The following SERINC5 variants were observed in gnomAD, a reference collection of about 807,000 sequenced individuals.
The protein encoded by SERINC5 is serine incorporator 5.
A neutral mutation model predicts 63.1 loss-of-function variants in SERINC5; 41 were observed. The observed-to-expected ratio is 0.65, with a 90% CI of 0.51 to 0.84. The LOEUF is 0.84. Among genes scored for constraint, SERINC5 ranks in the 40% least tolerant of loss-of-function variants. The pLI is 0.00. For synonymous variants in SERINC5, 222 were observed against 215.2 expected (o/e 1.03, Z -0.28); for missense variants, 523 against 573.0 (o/e 0.91, Z 0.89).
At chr5:80,125,753 G>C (rs1036765020) in intron 11 of SERINC5, among the ~76,000 whole-genome samples, 1 of 152,202 alleles carries the variant, frequency 6.6e-6, no homozygotes, top group Non-Finnish European at 1.5e-5. Flanking sequence ...ACCTACGAGA[G>C]CAGCTTTGGA....
chr5:80,234,459 A>G (rs1751596739), intron 1 of SERINC5, among the ~76,000 whole-genome samples: 2 of 152,174 alleles, frequency 1.3e-5, no homozygotes, highest in Admixed American at 1.3e-4. Flanking sequence ...TCTAATGCAA[A>G]AATGTGTTAA....
chr5:80,135,728 C>G (rs1437472030), downstream of SERINC5, among the ~76,000 whole-genome samples: 2 of 151,502 alleles, frequency 1.3e-5, no homozygotes, highest in African/African-American at 4.9e-5. Context: ...GTGGCGAGTT[C>G]AAGTGTGAAT....
intron 1 of SERINC5, among the ~76,000 whole-genome samples, chr5:80,224,481 GA>G (rs1042342050): frequency 6.1e-5 from 9 of 148,746 alleles, no homozygotes; most frequent in African/African-American, 1.2e-4. Flanking sequence ...TGTCTCAAAA[GA>G]AAAAAAAACA....
chr5:80,164,633 C>T (rs1747149879), intron 7 of SERINC5, among the ~76,000 whole-genome samples: 1 of 152,078 alleles, frequency 6.6e-6, no homozygotes, highest in Non-Finnish European at 1.5e-5. Context: ...ATCTGCCTGC[C>T]TCAACCTCCC....
At chr5:80,177,424 A>G in intron 3 of SERINC5, 27 bp from the exon 4 acceptor site, 1 of 1,543,986 alleles carries the variant, frequency 6.5e-7, no homozygotes, top group South Asian at 1.1e-5. Flanking sequence ...AAAAAAGAGG[A>G]AATGTATTTA....
At chr5:80,213,161 G>A (rs1466444736) in intron 1 of SERINC5, among the ~76,000 whole-genome samples, 5 of 151,496 alleles carry the variant, frequency 3.3e-5, no homozygotes, top group Admixed American at 2.0e-4. Flanking sequence ...CAGGAGAATC[G>A]CTTGAACCCA....
chr5:80,177,450 G>T, intron 3 of SERINC5, 53 bp from the exon 4 acceptor site: 3 of 1,404,040 alleles, frequency 2.1e-6, no homozygotes, highest in South Asian at 1.2e-5. Context: ...CATTCAAGAA[G>T]GACAAAGGAC....
chr5:80,152,298 C>G (rs1004899319), intron 8 of SERINC5, among the ~76,000 whole-genome samples: 3 of 151,994 alleles, frequency 2.0e-5, no homozygotes, highest in Non-Finnish European at 2.9e-5. Flanking sequence ...CCCAGGAGTT[C>G]GAGACCAGCT....
chr5:80,123,401 C>T (rs1212543292), intron 11 of SERINC5, among the ~76,000 whole-genome samples: 4 of 152,158 alleles, frequency 2.6e-5, no homozygotes, highest in Admixed American at 2.0e-4. Flanking sequence ...GGATTACAGG[C>T]GTGAGCCTCC....
intron 2 of SERINC5, among the ~76,000 whole-genome samples, chr5:80,186,510 G>C (rs1443356231): frequency 6.6e-6 from 1 of 152,102 alleles, no homozygotes; most frequent in East Asian, 1.9e-4. Flanking sequence ...CTCACTACTT[G>C]TCCTTCAGAG....
At chr5:80,240,628 C>T (rs923331948) in intron 1 of SERINC5, among the ~76,000 whole-genome samples, 2 of 152,102 alleles carry the variant, frequency 1.3e-5, no homozygotes, top group South Asian at 2.1e-4. Context: ...TTAAAAATTA[C>T]ACTAAATGTC....
intron 1 of SERINC5, 85 bp downstream of exon 1, chr5:80,255,811 C>G (rs930238267): frequency 1.4e-6 from 2 of 1,404,490 alleles, no homozygotes; most frequent in Non-Finnish European, 9.8e-7. Flanking sequence ...GAGCTGGGAG[C>G]GCACCCAGGC....
At chr5:80,123,482 G>A (rs1204856335) in intron 11 of SERINC5, among the ~76,000 whole-genome samples, 1 of 152,184 alleles carries the variant, frequency 6.6e-6, no homozygotes, top group Non-Finnish European at 1.5e-5. Flanking sequence ...TTAGAGTGAT[G>A]ATATCTGAGT....
chr5:80,143,188 C>T lies in SERINC5; in HGVS notation c.*475G>A, dbSNP rs1045866413. 1.0e-6 allele frequency: 1 copy of T among 986,988 alleles called. No individual in the cohort carries two copies. Among genetic ancestry groups the T allele is most frequent in the Non-Finnish European group, 1.2e-6 (1 of 831,164 alleles). 61.1% of individuals were successfully genotyped at this position (986,988 alleles called of 1,614,324 possible). ...ATACCAGGGGCCCTGCAGGCTGAGTCCTGTCCTCAAAGCCCCCTGGGGACA... is the reference window on the plus strand; with the variant it reads ...ATACCAGGGGCCCTGCAGGCTGAGTTCTGTCCTCAAAGCCCCCTGGGGACA... On this transcript the variant is annotated 3_prime_UTR_variant, in exon 12 of 12. Transcript: ENST00000507668.
chr5:80,212,069 G>A (rs763474885), intron 1 of SERINC5, among the ~76,000 whole-genome samples: 7 of 152,132 alleles, frequency 4.6e-5, no homozygotes, highest in African/African-American at 1.7e-4. Flanking sequence ...AGTCCAAACC[G>A]TAAAAGGAAG....
chr5:80,222,216 A>C (rs1453757752), intron 1 of SERINC5, among the ~76,000 whole-genome samples: 1 of 152,108 alleles, frequency 6.6e-6, no homozygotes, highest in East Asian at 1.9e-4. Flanking sequence ...CACTTTCCAG[A>C]CACTGAGGAA....
chr5:80,162,009 C>T (rs1002114061), intron 7 of SERINC5, among the ~76,000 whole-genome samples: 1 of 152,138 alleles, frequency 6.6e-6, no homozygotes, highest in Non-Finnish European at 1.5e-5. Context: ...TTGTCAAAGA[C>T]CAGATGGCTA....
chr5:80,176,375 A>C (rs1416612307), intron 4 of SERINC5, among the ~76,000 whole-genome samples: 1 of 152,232 alleles, frequency 6.6e-6, no homozygotes, highest in African/African-American at 2.4e-5. Flanking sequence ...AGGCCCTGAT[A>C]CATAACTATA....
chr5:80,160,363 C>G (rs1746804083), intron 7 of SERINC5, among the ~76,000 whole-genome samples: 1 of 152,204 alleles, frequency 6.6e-6, no homozygotes, highest in African/African-American at 2.4e-5. Flanking sequence ...TTTTACCTAA[C>G]ATGGAGTCTT....
Sources: gnomAD v4.1 joint callset for allele counts (sites outside exome capture counted in the v4.1 genomes callset) on GRCh38, gnomAD v4.1.1 for gene constraint, MANE v1.5 for transcripts, NCBI Gene and HGNC (gene_info 2026-07-23, HGNC 2026-07-21) for gene names.